PHACTR2: variants seen among roughly 807,000 people sequenced by gnomAD.
PHACTR2 encodes chromosome 6 open reading frame 56.
Under a neutral mutation model 76.0 loss-of-function variants are expected in PHACTR2, and 30 were observed. That is an observed-to-expected ratio of 0.39 (90% CI 0.30 to 0.54). PHACTR2 has a LOEUF of 0.54. PHACTR2 is among the 20% of genes least tolerant of loss of function. The pLI is 0.61. For missense variants in PHACTR2, 696 were observed against 781.1 expected (o/e 0.89, Z 1.30); for synonymous variants, 292 against 292.5 (o/e 1.00, Z 0.02).
At chr6:143,741,511 A>G (rs1358082411) in intron 2 of PHACTR2, among the ~76,000 whole-genome samples, 1 of 152,142 alleles carries the variant, frequency 6.6e-6, no homozygotes, top group Non-Finnish European at 1.5e-5. Flanking sequence ...AATAACAATA[A>G]TAATAAGAAG....
rs1775503552 is a variant in PHACTR2 at position 143,784,417 on chromosome 6, T to C, written c.1707+1137T>C. On this transcript the variant is annotated intron_variant, in intron 10 of 12. Transcript: ENST00000440869. The surrounding 1 kb of genome is among the most constrained non-coding windows in gnomAD (Gnocchi z 4.5). ...TCATTATAAATCCTTCTAATCATTC[T>C]TCAGGCATACCTTATGCACCTAAAA... 6.6e-6 allele frequency among the ~76,000 whole-genome samples: 1 copy of C among 152,232 alleles called. No individual in the cohort carries two copies. Among genetic ancestry groups the C allele is most frequent in the Non-Finnish European group, 1.5e-5 (1 of 68,040 alleles).
rs765870779 is a variant in PHACTR2 at position 143,558,274 on chromosome 6, G to A, written c.217+21067G>A. ...AAGGAATTAATGTTCCTTCTTAGGT[G>A]TGAAATAATATTGTGGTTGTGTTTT... On this transcript the variant is annotated intron_variant, in intron 1 of 11. Transcript: ENST00000367584. This position sits in a 1 kb window ranked among gnomAD's most constrained non-coding sequence, Gnocchi z 4.7. 2.0e-5 allele frequency: 3 copies of A among 152,096 alleles called. No homozygotes were observed. Among genetic ancestry groups the A allele is most frequent in the Non-Finnish European group, 4.4e-5 (3 of 68,008 alleles). 9.4% of individuals were successfully genotyped at this position (152,096 alleles called of 1,614,324 possible). A position where few individuals can be genotyped will look rare whatever the true frequency, so the allele number is the denominator to read the frequency against.
At position 143,688,510 on chromosome 6, in the gene PHACTR2, G is replaced by A. The variant is rs1005471474; in HGVS notation, c.46+10301G>A. Among the ~76,000 whole-genome samples the A allele has an allele frequency of 1.3e-5, 2 of 152,150 alleles. No homozygotes were observed. The highest frequency in any genetic ancestry group is 1.5e-5 in the Non-Finnish European group (1 of 68,042). On this transcript the variant is annotated intron_variant, in intron 1 of 12. Coordinates refer to ENST00000440869, the MANE Select transcript of PHACTR2 (RefSeq NM_001100164.2). This position sits in a 1 kb window ranked among gnomAD's most constrained non-coding sequence, Gnocchi z 5.2. ...TGTGGGCATCCCAGAGGTAACATAA[G>A]TCTATACAGAAGGTTTGATTTTGTC...
intron 1 of PHACTR2, among the ~76,000 whole-genome samples, chr6:143,682,769 T>TTTTTTTG (rs534086127): frequency 4.1e-5 from 6 of 145,976 alleles, no homozygotes; most frequent in Non-Finnish European, 9.0e-5. Flanking sequence ...AAAAAAGTTG[T>TTTTTTTG]TTTTTTGTTT....
rs1470036342 is a variant in PHACTR2 at position 143,755,824 on chromosome 6, A to T, written c.454+1912A>T. Among the ~76,000 whole-genome samples the T allele has an allele frequency of 6.6e-6, 1 of 152,206 alleles. No homozygotes were observed. Among genetic ancestry groups the T allele is most frequent in the Non-Finnish European group, 1.5e-5 (1 of 68,038 alleles). On this transcript the variant is annotated intron_variant, in intron 4 of 12. Coordinates refer to ENST00000440869, the MANE Select transcript of PHACTR2 (RefSeq NM_001100164.2). The surrounding 1 kb of genome is among the most constrained non-coding windows in gnomAD (Gnocchi z 5.2). ...CGCATAACTAATATTACAGTGTATTATGTTAATTAGAAAATGCCTTATGAC... is the reference window on the plus strand; with the variant it reads ...CGCATAACTAATATTACAGTGTATTTTGTTAATTAGAAAATGCCTTATGAC...
Position 143,585,880 on chromosome 6 carries a change from A to G in PHACTR2, c.217+48673A>G, listed in dbSNP as rs781565054. ...ATGAGCCCAGCAGCAGGGGATTTTA[A>G]GCTGGGGCCGCTAGCACTTCATGGC... On this transcript the variant is annotated intron_variant, in intron 1 of 11. Coordinates refer to the PHACTR2 transcript ENST00000367584. This position sits in a 1 kb window ranked among gnomAD's most constrained non-coding sequence, Gnocchi z 5.2. Among the ~76,000 whole-genome samples, 3 of 152,242 alleles carry G rather than the reference A, an allele frequency of 2.0e-5. No individual in the cohort carries two copies. Among genetic ancestry groups the G allele is most frequent in the African/African-American group, 4.8e-5 (2 of 41,466 alleles).
intron 4 of PHACTR2, among the ~76,000 whole-genome samples, chr6:143,759,700 A>AAAGG (rs1779391138): frequency 6.6e-6 from 1 of 151,986 alleles, no homozygotes; most frequent in South Asian, 2.1e-4. Context: ...AAAGAAAAGA[A>AAAGG]AAGGAAGGAA....
chr6:143,749,611 T>C (rs1327093985), intron 3 of PHACTR2, among the ~76,000 whole-genome samples: 1 of 152,200 alleles, frequency 6.6e-6, no homozygotes, highest in Non-Finnish European at 1.5e-5. Flanking sequence ...TTTGCAGTAC[T>C]GTTCTCTTTT....
chr6:143,656,991 G>T lies in PHACTR2; in HGVS notation c.13+48669G>T, dbSNP rs1776859478. Among the ~76,000 whole-genome samples, 1 of 149,438 alleles carries T rather than the reference G, an allele frequency of 6.7e-6. No homozygotes were observed. Among genetic ancestry groups the T allele is most frequent in the Non-Finnish European group, 1.5e-5 (1 of 67,752 alleles). On this transcript the variant is annotated intron_variant, in intron 1 of 11. Transcript: ENST00000305766. The surrounding 1 kb of genome is among the most constrained non-coding windows in gnomAD (Gnocchi z 5.3). ...TATTTTTTACTTTTCAAAAATTGTG[G>T]TACACACTGCATCTTCTCACTCATA...
In PHACTR2 at chr6:143,742,370, C is replaced by T. The variant is rs1302838283; in HGVS notation, c.215-6615C>T. Among the ~76,000 whole-genome samples the T allele has an allele frequency of 6.6e-6, 1 of 152,170 alleles. No homozygotes were observed. The highest frequency in any genetic ancestry group is 1.9e-4 in the East Asian group (1 of 5,194). On this transcript the variant is annotated intron_variant, in intron 2 of 12. Transcript: ENST00000440869. This position sits in a 1 kb window ranked among gnomAD's most constrained non-coding sequence, Gnocchi z 4.5. The stretch of plus-strand genomic sequence containing the variant: ...GTTGTGGTTGTTAACTTCAGTTCTC[C>T]TCTTGCGGAGGCAAGGTGGCCACTA...
In PHACTR2 at chr6:143,774,318, A is replaced by C; in HGVS notation, c.1589+103A>C. ...CATTGTGAATTCCTTATGTACAGAT[A>C]CATCTGGCCTACTGGGTCTTTTAAA... On this transcript the variant is annotated intron_variant, in intron 8 of 12. Transcript: ENST00000440869. This position sits in a 1 kb window ranked among gnomAD's most constrained non-coding sequence, Gnocchi z 5.4. The C allele has an allele frequency of 2.4e-6, 2 of 824,466 alleles. No homozygotes were observed. Among genetic ancestry groups the C allele is most frequent in the Middle Eastern group, 6.3e-4 (2 of 3,188 alleles). The allele number at this position is 824,466 out of a possible 1,614,324, so 51.1% of individuals were successfully genotyped here. A position where few individuals can be genotyped will look rare whatever the true frequency, so the allele number is the denominator to read the frequency against.
At chr6:143,559,747 G>A (rs988242096) in intron 1 of PHACTR2, among the ~76,000 whole-genome samples, 4 of 66,792 alleles carry the variant, frequency 6.0e-5, no homozygotes, top group African/African-American at 2.7e-4. Flanking sequence ...TTTTGCTCTT[G>A]TTTTCCAGGC....
At position 143,547,435 on chromosome 6, in the gene PHACTR2, A is replaced by T. The variant is rs371804109; in HGVS notation, c.217+10228A>T. Among the ~76,000 whole-genome samples the T allele has an allele frequency of 6.6e-6, 1 of 152,234 alleles. No individual in the cohort carries two copies. Among genetic ancestry groups the T allele is most frequent in the East Asian group, 1.9e-4 (1 of 5,202 alleles). ...ACAGCTAAGTCATTCACATTACTTT[A>T]TAGTAACACTGCGTACCTCCAAAAT... is the stretch of plus-strand genomic sequence containing the variant. On this transcript the variant is annotated intron_variant, in intron 1 of 11. Transcript: ENST00000367584. The surrounding 1 kb of genome is among the most constrained non-coding windows in gnomAD (Gnocchi z 4.2).
chr6:143,669,840 GTC>G (rs1582753854), intron 1 of PHACTR2, among the ~76,000 whole-genome samples: 1 of 152,020 alleles, frequency 6.6e-6, no homozygotes. Flanking sequence ...GGGGCATTTA[GTC>G]TGTTTACATT....
intron 7 of PHACTR2, among the ~76,000 whole-genome samples, chr6:143,773,094 T>C (rs1481097202): frequency 6.6e-6 from 1 of 152,158 alleles, no homozygotes; most frequent in African/African-American, 2.4e-5. Flanking sequence ...ACGCCTGTAA[T>C]TCCAGCTGCT....
At chr6:143,576,532 A>G (rs1775515322) in intron 1 of PHACTR2, among the ~76,000 whole-genome samples, 1 of 152,230 alleles carries the variant, frequency 6.6e-6, no homozygotes, top group Non-Finnish European at 1.5e-5. Flanking sequence ...CAGTTTTAAA[A>G]CAGAAGTTGA....
chr6:143,666,585 T>C (rs62427376), intron 1 of PHACTR2, among the ~76,000 whole-genome samples: 23,917 of 152,256 alleles, frequency 0.16, 2,217 homozygotes, highest in Middle Eastern at 0.26. Flanking sequence ...TGGCATGAGA[T>C]AGTTTCTCAT....
At chr6:143,576,280 A>G (rs1775506991) in intron 1 of PHACTR2, among the ~76,000 whole-genome samples, 1 of 152,214 alleles carries the variant, frequency 6.6e-6, no homozygotes, top group Admixed American at 6.5e-5. Flanking sequence ...CTCTCATGAC[A>G]TAGCTTTGGA....
At chr6:143,643,947 G>A (rs1221794512) in intron 1 of PHACTR2, among the ~76,000 whole-genome samples, 1 of 152,100 alleles carries the variant, frequency 6.6e-6, no homozygotes, top group African/African-American at 2.4e-5. Flanking sequence ...AAGATTAGAA[G>A]CAGGGTGATT....
Sources: allele counts gnomAD v4.1 joint callset (sites outside exome capture counted in the v4.1 genomes callset), GRCh38; gene constraint gnomAD v4.1.1; non-coding constraint Gnocchi (gnomAD v3.1); transcripts MANE v1.5; gene names NCBI Gene and HGNC (gene_info 2026-07-23, HGNC 2026-07-21).